Variants in MCM2 observed in about 807,000 individuals in gnomAD.
The protein encoded by MCM2 is minichromosome maintenance complex component 2.
A neutral mutation model predicts 86.4 loss-of-function variants in MCM2; 49 were observed. The ratio of observed to expected loss-of-function variants is 0.57; its 90% CI spans 0.45 to 0.72. The LOEUF is 0.72. Among genes scored for constraint, MCM2 ranks in the 30% least tolerant of loss-of-function variants. MCM2 has a pLI of 0.00. For missense variants in MCM2, 1,038 were observed against 1,259.9 expected (o/e 0.82, Z 2.67); for synonymous variants, 475 against 484.6 (o/e 0.98, Z 0.26).
intron 2 of MCM2, 47 bp downstream of exon 2, chr3:127,599,594 G>T: frequency 6.5e-7 from 1 of 1,531,628 alleles, no homozygotes; most frequent in Non-Finnish European, 8.9e-7. Context: ...TTTGCAGAGA[G>T]CCCATTGTGT....
intron 1 of MCM2, 138 bp downstream of exon 1, chr3:127,598,610 C>T: frequency 3.3e-6 from 4 of 1,205,790 alleles, no homozygotes; most frequent in Non-Finnish European, 4.5e-6. Context: ...GCTACTTTCT[C>T]GCCTGCACCC....
intron 8 of MCM2, among the ~76,000 whole-genome samples, chr3:127,613,533 A>G (rs938510643): frequency 4.6e-5 from 7 of 152,216 alleles, no homozygotes; most frequent in Non-Finnish European, 1.5e-5. Flanking sequence ...AGTTGGCCAT[A>G]GTCACATAGC....
rs768932820 is a variant in MCM2 at position 127,608,404 on chromosome 3, G to A, written c.1124G>A (p.Arg375His). The change falls in exon 7 of 16, where the codon CGT becomes CAT. Residue 375 changes from arginine to histidine, a missense_variant. Coordinates refer to ENST00000265056, the MANE Select transcript of MCM2 (RefSeq NM_004526.4). ...MEETIYQNYQ[R>H]IRIQESPGKV... ...CAGACCATCTATCAGAACTACCAGC[G>A]TATCCGAATCCAGGAGAGTCCAGGC... 1.9e-6 allele frequency: 3 copies of A among 1,614,118 alleles called. No homozygotes were observed. Among genetic ancestry groups the A allele is most frequent in the East Asian group, 4.5e-5 (2 of 44,898 alleles).
chr3:127,605,023 C>T lies in MCM2; in HGVS notation c.540C>T (p.His180=). 2 of 1,614,126 alleles carry T rather than the reference C, an allele frequency of 1.2e-6. No individual in the cohort carries two copies. The highest frequency in any genetic ancestry group is 1.7e-6 in the Non-Finnish European group (2 of 1,179,974). ...SIENLEDLKG[H]SVREWVSMAG... Reference sequence around the variant, plus strand: ...AGAACCTGGAGGATCTCAAAGGCCACTCTGTGCGCGAGTGGGTGAGCATGG... The same window carrying T: ...AGAACCTGGAGGATCTCAAAGGCCATTCTGTGCGCGAGTGGGTGAGCATGG... Residue 180 remains histidine, a synonymous_variant, in exon 4 of 16, where the codon CAC becomes CAT. Transcript: ENST00000265056.
rs1406190649 is a variant in MCM2 at position 127,618,466 on chromosome 3, T to G, written c.2013+385T>G. ...CCCGTCCTTAACAACTGCTTGAGGC[T>G]TTCTGCTGTCATCAGAATAGAATCC... On this transcript the variant is annotated intron_variant, in intron 12 of 15. Transcript: ENST00000265056. This position sits in a 1 kb window ranked among gnomAD's most constrained non-coding sequence, Gnocchi z 4.0. Among the ~76,000 whole-genome samples, 2 of 152,188 alleles carry G rather than the reference T, an allele frequency of 1.3e-5. No homozygotes were observed. Among genetic ancestry groups the G allele is most frequent in the Non-Finnish European group, 2.9e-5 (2 of 68,038 alleles).
chr3:127,616,643 C>T (rs558115389), intron 9 of MCM2, among the ~76,000 whole-genome samples: 1 of 152,380 alleles, frequency 6.6e-6, no homozygotes, highest in Admixed American at 6.5e-5. Context: ...TGATATTTCA[C>T]ATTCGCCAAG....
chr3:127,614,093 G>T (rs1559865538), intron 8 of MCM2, among the ~76,000 whole-genome samples: 1 of 152,118 alleles, frequency 6.6e-6, no homozygotes, highest in Non-Finnish European at 1.5e-5. Context: ...GCTTTCTGGG[G>T]GGTACATTCA....
intron 13 of MCM2, 92 bp downstream of exon 13, chr3:127,619,370 A>G (rs1410604389): frequency 2.0e-6 from 3 of 1,489,160 alleles, no homozygotes; most frequent in Non-Finnish European, 2.7e-6. Flanking sequence ...GTGGTCAGTC[A>G]GGCCAAAAGG....
chr3:127,617,380 G>C lies in MCM2; in HGVS notation c.1875G>C (p.Thr625=). 1 of 1,613,920 alleles carries C rather than the reference G, an allele frequency of 6.2e-7. No individual in the cohort carries two copies. The highest frequency in any genetic ancestry group is 8.5e-7 in the Non-Finnish European group (1 of 1,179,950). Residue 625 remains threonine, a synonymous_variant, in exon 11 of 16, where the codon ACG becomes ACC. Coordinates refer to ENST00000265056, the MANE Select transcript of MCM2 (RefSeq NM_004526.4). This position sits in a 1 kb window ranked among gnomAD's most constrained non-coding sequence, Gnocchi z 4.1. ...GIVTSLQARC[T]VIAAANPIGG... ...TCACCTCCCTGCAGGCTCGCTGCAC[G>C]GTCATTGCTGCCGCCAACCCCATAG...
At position 127,617,130 on chromosome 3, in the gene MCM2, G is replaced by C. The variant is rs61441795; in HGVS notation, c.1773+12G>C. 29 of 1,610,852 alleles carry C rather than the reference G, an allele frequency of 1.8e-5. No homozygotes were observed. The highest frequency in any genetic ancestry group is 2.4e-5 in the Non-Finnish European group (28 of 1,177,684). On this transcript the variant is annotated intron_variant, in intron 10 of 15. Transcript: ENST00000265056. This position sits in a 1 kb window ranked among gnomAD's most constrained non-coding sequence, Gnocchi z 4.1. ...ATGAATTTGACAAGGTGGGTCCCTG[G>C]GTCACGGAGGCTGGTGGAACTCAGG...
chr3:127,601,283 G>A (rs2074304927), intron 2 of MCM2, among the ~76,000 whole-genome samples: 1 of 152,220 alleles, frequency 6.6e-6, no homozygotes, highest in Non-Finnish European at 1.5e-5. Context: ...TTCATCAGTT[G>A]ATGGATGTTG....
chr3:127,620,633 G>A (rs953215970), intron 13 of MCM2, 65 bp from the exon 14 acceptor site: 18 of 1,501,530 alleles, frequency 1.2e-5, no homozygotes, highest in South Asian at 1.2e-4. Flanking sequence ...TAAGAGTGCC[G>A]CTGCTTTATT....
At chr3:127,616,012 G>A (rs992292111) in intron 9 of MCM2, 57 bp downstream of exon 9, 1 of 1,348,468 alleles carries the variant, frequency 7.4e-7, no homozygotes. Flanking sequence ...TGGGGAGCCA[G>A]CATTCAAAGA....
At chr3:127,608,685 T>C (rs2074369342) in intron 7 of MCM2, 147 bp from the exon 8 acceptor site, 1 of 1,189,358 alleles carries the variant, frequency 8.4e-7, no homozygotes, top group Admixed American at 2.0e-5. Context: ...GTTGTTGGAA[T>C]GGTGGGTTTA....
chr3:127,618,906 TAGTC>T lies in MCM2; in HGVS notation c.2014-116_2014-113del. The T allele has an allele frequency of 8.7e-7, 1 of 1,155,082 alleles. No individual in the cohort carries two copies. The highest frequency in any genetic ancestry group is 1.2e-6 in the Non-Finnish European group (1 of 841,370). 71.6% of individuals were successfully genotyped at this position (1,155,082 alleles called of 1,614,324 possible). The stretch of plus-strand genomic sequence containing the variant: ...AGAACTGCCTGGCACATGGTCAGTG[TAGTC>T]AGTCTTGTTGAAAGAGTGTCACCCT... On this transcript the variant is annotated intron_variant, in intron 12 of 15. Transcript: ENST00000265056. The surrounding 1 kb of genome is among the most constrained non-coding windows in gnomAD (Gnocchi z 4.0).
chr3:127,609,040 G>T lies in MCM2; in HGVS notation c.1428+17G>T, dbSNP rs1162349111. ...GGAGAGAAGGTAGGTGGAAGGCAGG[G>T]GCAGGGGCTGTCAGGATGCTGTGAG... On this transcript the variant is annotated intron_variant, in intron 8 of 15. Coordinates refer to ENST00000265056, the MANE Select transcript of MCM2 (RefSeq NM_004526.4). 2 of 1,612,090 alleles carry T rather than the reference G, an allele frequency of 1.2e-6. No homozygotes were observed. Among genetic ancestry groups the T allele is most frequent in the Non-Finnish European group, 1.7e-6 (2 of 1,179,606 alleles).
chr3:127,605,089 C>G lies in MCM2; in HGVS notation c.606C>G (p.Phe202Leu). ...AGATCCACCACCGCTTCAAGAACTT[C>G]CTGCGCACTCACGTCGACAGCCACG... ...RLEIHHRFKN[F>L]LRTHVDSHGH... Residue 202 changes from phenylalanine (F) to leucine (L), a missense_variant, in exon 4 of 16, where the codon TTC (phenylalanine) becomes TTG (leucine). Physicochemically the swap from Phe to Leu is conservative, Grantham distance 22 (BLOSUM62 0). Transcript: ENST00000265056. 1 of 1,614,026 alleles carries G rather than the reference C, an allele frequency of 6.2e-7. No individual in the cohort carries two copies. Among genetic ancestry groups the G allele is most frequent in the Non-Finnish European group, 8.5e-7 (1 of 1,180,016 alleles).
chr3:127,600,562 T>C (rs2074300385), intron 2 of MCM2, among the ~76,000 whole-genome samples: 1 of 152,144 alleles, frequency 6.6e-6, no homozygotes, highest in Admixed American at 6.5e-5. Flanking sequence ...CACTCCAGAC[T>C]GGATGCATCT....
intron 2 of MCM2, among the ~76,000 whole-genome samples, chr3:127,603,463 T>TTTTG (rs920638869): frequency 8.6e-5 from 13 of 151,466 alleles, no homozygotes; most frequent in African/African-American, 2.2e-4. Flanking sequence ...CACCCAGCCC[T>TTTTG]TTTGTTTGTT....
Sources: allele counts gnomAD v4.1 joint callset (sites outside exome capture counted in the v4.1 genomes callset), GRCh38; gene constraint gnomAD v4.1.1; non-coding constraint Gnocchi (gnomAD v3.1); transcripts MANE v1.5; gene names NCBI Gene and HGNC (gene_info 2026-07-23, HGNC 2026-07-21).